Variants in PTPN1 observed in about 807,000 individuals in gnomAD.
PTPN1 encodes tyrosine-protein phosphatase non-receptor type 1.
In PTPN1, 12 loss-of-function variants were observed where a neutral mutation model predicts 59.9. The observed-to-expected ratio is 0.20, with a 90% confidence interval of 0.13 to 0.32. The LOEUF (loss-of-function observed/expected upper bound fraction) is 0.32, where lower values mean the gene tolerates loss of function less well. Among genes scored for constraint, PTPN1 ranks in the 10% least tolerant of loss-of-function variants. PTPN1 has a pLI of 1.00. For missense variants in PTPN1, 356 were observed against 549.2 expected (o/e 0.65, Z 3.52); for synonymous variants, 178 against 203.6 (o/e 0.87, Z 1.07).
chr20:50,513,893 TA>T (rs199717412), intron 1 of PTPN1, among the ~76,000 whole-genome samples: 1,621 of 145,702 alleles, frequency 0.011, 25 homozygotes, highest in African/African-American at 0.033. Flanking sequence ...TCACTTCACT[TA>T]AAAAAAAAAA....
In PTPN1 at chr20:50,564,429, A is replaced by G. The variant is rs1477192982; in HGVS notation, c.155-540A>G. Among the ~76,000 whole-genome samples, 7 of 152,278 alleles carry G rather than the reference A, an allele frequency of 4.6e-5. No individual in the cohort carries two copies. The East Asian group carries it at 1.4e-3, about 29-fold the overall frequency. On this transcript the variant is annotated intron_variant, in intron 2 of 9. Coordinates refer to ENST00000371621, the MANE Select transcript of PTPN1 (RefSeq NM_002827.4). ...GCCAACATGGTGAAACCCCATCTCTACTAAAAATAGAAAAATTAGGTGAGC... is the reference window on the plus strand; with the variant it reads ...GCCAACATGGTGAAACCCCATCTCTGCTAAAAATAGAAAAATTAGGTGAGC...
intron 8 of PTPN1, among the ~76,000 whole-genome samples, 157 bp from the exon 9 acceptor site, chr20:50,581,108 C>T (rs1309836999): frequency 2.0e-5 from 3 of 152,158 alleles, no homozygotes; most frequent in Non-Finnish European, 4.4e-5. Flanking sequence ...CTGGCCCTCC[C>T]TCCAAGCAGA....
chr20:50,581,492 A>C (rs372337856), intron 9 of PTPN1, 32 bp downstream of exon 9: 30 of 1,577,160 alleles, frequency 1.9e-5, no homozygotes, highest in African/African-American at 2.7e-5. Flanking sequence ...CGCTGGCGAG[A>C]TGCTCGTGTG....
At chr20:50,566,892 G>T (rs1435087470) in intron 3 of PTPN1, among the ~76,000 whole-genome samples, 1 of 152,176 alleles carries the variant, frequency 6.6e-6, no homozygotes, top group Non-Finnish European at 1.5e-5. Context: ...AGAATGCAAG[G>T]CCCAGGTGGC....
At chr20:50,540,522 G>A (rs2082647090) in intron 1 of PTPN1, among the ~76,000 whole-genome samples, 1 of 152,166 alleles carries the variant, frequency 6.6e-6, no homozygotes, top group East Asian at 1.9e-4. Context: ...CTGGCCCCGT[G>A]ACCCAGACAC....
Position 50,582,506 on chromosome 20 carries a change from A to G in PTPN1, c.1285-186A>G, listed in dbSNP as rs2082873875. ...TGAGTACATCAGATGGTTTTGCAAAATGCAAACAATTTTTTCCTTGGGGAT... is the reference window on the plus strand; with the variant it reads ...TGAGTACATCAGATGGTTTTGCAAAGTGCAAACAATTTTTTCCTTGGGGAT... On this transcript the variant is annotated intron_variant, in intron 9 of 9. Coordinates refer to ENST00000371621, the MANE Select transcript of PTPN1 (RefSeq NM_002827.4). The surrounding 1 kb of genome is among the most constrained non-coding windows in gnomAD (Gnocchi z 4.2). Among the ~76,000 whole-genome samples, 1 of 152,202 alleles carries G rather than the reference A, an allele frequency of 6.6e-6. No homozygotes were observed. The highest frequency in any genetic ancestry group is 2.4e-5 in the African/African-American group (1 of 41,436).
Position 50,568,357 on chromosome 20 carries a change from G to T in PTPN1, c.256-23G>T, listed in dbSNP as rs371544725. On this transcript the variant is annotated intron_variant, in intron 3 of 9. Coordinates refer to ENST00000371621, the MANE Select transcript of PTPN1 (RefSeq NM_002827.4). This position sits in a 1 kb window ranked among gnomAD's most constrained non-coding sequence, Gnocchi z 5.6. ...GCATGTTATGTTTCAGATGTCACATGTTGTGTTATTGTGTCTTTGCAGGGC... is the reference window on the plus strand; with the variant it reads ...GCATGTTATGTTTCAGATGTCACATTTTGTGTTATTGTGTCTTTGCAGGGC... 2.4e-5 allele frequency: 39 copies of T among 1,597,860 alleles called. No individual in the cohort carries two copies. The African/African-American group carries it at 4.8e-4, about 20-fold the overall frequency.
At chr20:50,533,711 T>C (rs1380429051) in intron 1 of PTPN1, among the ~76,000 whole-genome samples, 1 of 151,218 alleles carries the variant, frequency 6.6e-6, no homozygotes, top group South Asian at 2.1e-4. Context: ...GAAAGGAAGA[T>C]TTGATGTACC....
At chr20:50,581,652 G>C (rs6020614) in intron 9 of PTPN1, among the ~76,000 whole-genome samples, 192 bp downstream of exon 9, 1 of 152,146 alleles carries the variant, frequency 6.6e-6, no homozygotes, top group Non-Finnish European at 1.5e-5. Flanking sequence ...GGGGTTTTAA[G>C]GAGCCCTCTG....
At chr20:50,560,913 G>A (rs1168292953) in intron 1 of PTPN1, among the ~76,000 whole-genome samples, 1 of 152,074 alleles carries the variant, frequency 6.6e-6, no homozygotes, top group Non-Finnish European at 1.5e-5. Context: ...TGGCATAAAA[G>A]TACATTTTAT....
At chr20:50,541,055 A>T (rs1036886971) in intron 1 of PTPN1, among the ~76,000 whole-genome samples, 1 of 152,196 alleles carries the variant, frequency 6.6e-6, no homozygotes, top group Admixed American at 6.5e-5. Context: ...AATGTACCAC[A>T]TCAGAAAACA....
chr20:50,546,430 C>T (rs1412867336), intron 1 of PTPN1, among the ~76,000 whole-genome samples: 1 of 152,176 alleles, frequency 6.6e-6, no homozygotes, highest in Non-Finnish European at 1.5e-5. Flanking sequence ...GAAGCACTCT[C>T]ACTTCAAATA....
intron 1 of PTPN1, among the ~76,000 whole-genome samples, chr20:50,554,079 A>G (rs80161683): frequency 6.6e-6 from 1 of 152,184 alleles, no homozygotes; most frequent in Non-Finnish European, 1.5e-5. Context: ...AAGCATTTCA[A>G]CAAACCTTCA....
chr20:50,530,901 G>A (rs1054603942), intron 1 of PTPN1, among the ~76,000 whole-genome samples: 1 of 151,830 alleles, frequency 6.6e-6, no homozygotes, highest in Non-Finnish European at 1.5e-5. Context: ...ACAGGGTCTC[G>A]CTATTTTGCC....
intron 1 of PTPN1, among the ~76,000 whole-genome samples, chr20:50,514,436 C>G (rs2082520358): frequency 6.6e-6 from 1 of 152,126 alleles, no homozygotes; most frequent in South Asian, 2.1e-4. Context: ...TTGTGTGATT[C>G]TTTCCCTTTT....
intron 1 of PTPN1, among the ~76,000 whole-genome samples, chr20:50,549,250 C>G (rs1384841676): frequency 2.0e-5 from 3 of 152,076 alleles, no homozygotes; most frequent in Non-Finnish European, 2.9e-5. Context: ...ATTTAATTGA[C>G]CATTGTTTTA....
chr20:50,520,733 G>A (rs1188796894), intron 1 of PTPN1, among the ~76,000 whole-genome samples: 1 of 152,182 alleles, frequency 6.6e-6, no homozygotes, highest in African/African-American at 2.4e-5. Flanking sequence ...GCCACCCTGA[G>A]CATGTGCACT....
In PTPN1 at chr20:50,510,521, G is replaced by A. The variant is rs780920105; in HGVS notation, c.-7G>A. 31 of 1,549,884 alleles carry A rather than the reference G, an allele frequency of 2.0e-5. No individual in the cohort carries two copies. Among genetic ancestry groups the A allele is most frequent in the Non-Finnish European group, 2.4e-5 (28 of 1,146,246 alleles). ...AGAAGGAGGCGCAGCAGCCGCCCTG[G>A]CCCGTCATGGAGATGGAAAAGGAGT... On this transcript the variant is annotated 5_prime_UTR_variant, in exon 1 of 10. Coordinates refer to ENST00000371621, the MANE Select transcript of PTPN1 (RefSeq NM_002827.4).
At chr20:50,539,094 G>T (rs1023378176) in intron 1 of PTPN1, among the ~76,000 whole-genome samples, 2 of 143,334 alleles carry the variant, frequency 1.4e-5, no homozygotes, top group Non-Finnish European at 3.0e-5. Context: ...GGAGTGCAAC[G>T]GCACGATTTC....
Sources: gnomAD v4.1 joint callset for allele counts (sites outside exome capture counted in the v4.1 genomes callset) on GRCh38, gnomAD v4.1.1 for gene constraint, Gnocchi (gnomAD v3.1) non-coding constraint, MANE v1.5 for transcripts, NCBI Gene and HGNC (gene_info 2026-07-23, HGNC 2026-07-21) for gene names.